SLC47A2: variants seen among roughly 807,000 people sequenced by gnomAD.
SLC47A2 encodes multidrug and toxin extrusion protein 2.
In SLC47A2, 52 loss-of-function variants were observed where a neutral mutation model predicts 67.7. The observed-to-expected ratio is 0.77, with a 90% CI of 0.61 to 0.97. The LOEUF (loss-of-function observed/expected upper bound fraction) is 0.97. Ranked by LOEUF, SLC47A2 falls within the 50% of genes least tolerant of loss-of-function variation. The pLI, the probability that SLC47A2 is intolerant of heterozygous loss-of-function variation, is 0.00. For missense variants in SLC47A2, 676 were observed against 712.3 expected (o/e 0.95, Z 0.58); for synonymous variants, 278 against 292.9 (o/e 0.95, Z 0.52).
intron 13 of SLC47A2, among the ~76,000 whole-genome samples, chr17:19,689,553 T>C (rs1465016018): frequency 6.6e-6 from 1 of 151,880 alleles, no homozygotes; most frequent in Admixed American, 6.6e-5. Context: ...AAAAATTATC[T>C]GGGTGTGGTG....
At chr17:19,682,329 TCA>T (rs376421449) in intron 13 of SLC47A2, among the ~76,000 whole-genome samples, 2,555 of 143,694 alleles carry the variant, frequency 0.018, 23 homozygotes, top group African/African-American at 0.035. Context: ...CGAGACTTGG[TCA>T]CACACACACA....
At chr17:19,716,604 C>T (rs777907651), upstream of SLC47A2, 18 of 1,512,300 alleles carry the variant, frequency 1.2e-5, no homozygotes, top group Non-Finnish European at 1.5e-5. Flanking sequence ...CCTGCACGGC[C>T]AGCTTTGTCC....
At chr17:19,680,778 G>A (rs969530546) in intron 15 of SLC47A2, among the ~76,000 whole-genome samples, 1 of 152,156 alleles carries the variant, frequency 6.6e-6, no homozygotes, top group African/African-American at 2.4e-5. Flanking sequence ...ACTAGTTTGA[G>A]TTCTTTGCGT....
In SLC47A2 at chr17:19,708,709, C is replaced by T; in HGVS notation, c.531+7G>A. 1.2e-6 allele frequency: 2 copies of T among 1,613,962 alleles called. No individual in the cohort carries two copies. Among genetic ancestry groups the T allele is most frequent in the Non-Finnish European group, 1.7e-6 (2 of 1,180,028 alleles). On this transcript the variant is annotated splice_region_variant and intron_variant, in intron 6 of 16. Coordinates refer to ENST00000433844, the MANE Select transcript of SLC47A2 (RefSeq NM_001099646.3). ...GAAGGGCCTCCCCACACACCAAAGA[C>T]CTGTACCTGATTTTGCAAATATTTT...
At chr17:19,695,515 CAAAAAAAAA>C (rs201305334) in intron 13 of SLC47A2, among the ~76,000 whole-genome samples, 5 of 91,406 alleles carry the variant, frequency 5.5e-5, no homozygotes, top group African/African-American at 1.9e-4. Context: ...AAAAAAACAG[CAAAAAAAAA>C]AAAAAGAAAA....
Position 19,680,343 on chromosome 17 carries a change from G to A in SLC47A2, c.1393-304C>T, listed in dbSNP as rs150733863. Among the ~76,000 whole-genome samples the A allele has an allele frequency of 2.6e-4, 40 of 152,262 alleles. No individual in the cohort carries two copies. In the East Asian group the frequency reaches 7.7e-3, roughly 29 times the overall value. On this transcript the variant is annotated intron_variant, in intron 15 of 16. Coordinates refer to ENST00000433844, the MANE Select transcript of SLC47A2 (RefSeq NM_001099646.3). ...AAATACTAAAAAATTAGCTGGGCAT[G>A]GTGGCGCATGTCTGTAGTCCCAGCT...
At chr17:19,712,075 A>G (rs759533058) in intron 5 of SLC47A2, among the ~76,000 whole-genome samples, 1 of 152,138 alleles carries the variant, frequency 6.6e-6, no homozygotes, top group Non-Finnish European at 1.5e-5. Context: ...GTTTGAATAC[A>G]CACACCCGTG....
Position 19,712,625 on chromosome 17 carries a change from G to A in SLC47A2, c.486+78C>T, listed in dbSNP as rs368392029. The A allele has an allele frequency of 2.3e-3, 3,347 of 1,473,032 alleles. 10 individuals are homozygous for A. The highest frequency in any genetic ancestry group is 2.8e-3 in the Non-Finnish European group (3,039 of 1,066,976). The allele number at this position is 1,473,032 out of a possible 1,614,324, so 91.2% of individuals were successfully genotyped here. On this transcript the variant is annotated intron_variant, in intron 5 of 16. Transcript: ENST00000433844. ...AGTCACAGCAGGATAGGGATCTTCC[G>A]CAGCAGATAGAGTGGGAAAGCAAAA...
chr17:19,681,691 G>A lies in SLC47A2; in HGVS notation c.1165-21C>T. On this transcript the variant is annotated intron_variant, in intron 13 of 16. Transcript: ENST00000433844. The stretch of plus-strand genomic sequence containing the variant: ...ACACACTAGGAGGGGAGACAGAAAT[G>A]GGCAAGAGTCAGGATGATGAGACTA... 1.9e-6 allele frequency: 3 copies of A among 1,599,630 alleles called. No homozygotes were observed. The South Asian group carries it at 3.4e-5, about 18-fold the overall frequency.
intron 10 of SLC47A2, chr17:19,704,755 G>A (rs975636186): frequency 2.0e-6 from 3 of 1,464,336 alleles, no homozygotes; most frequent in South Asian, 1.2e-5. Context: ...CCCTGCTGGG[G>A]ACGCTGTCAC....
In SLC47A2 at chr17:19,713,923, G is replaced by A. The variant is rs4924792; in HGVS notation, c.345C>T (p.Gly115=). Residue 115 remains glycine (G), a synonymous_variant, in exon 4 of 17, where the codon GGC becomes GGT. Coordinates refer to ENST00000433844, the MANE Select transcript of SLC47A2 (RefSeq NM_001099646.3). ...GGCAGCAGAGGAGCAGGACCAGCGC[G>A]CCCCGCTGCAGGATCACGCCCACGT... The part of the protein sequence containing the change: ...KKHVGVILQR[G]ALVLLLCCLP... 15 of 1,613,322 alleles carry A rather than the reference G, an allele frequency of 9.3e-6. No individual in the cohort carries two copies. Among genetic ancestry groups the A allele is most frequent in the Non-Finnish European group, 1.2e-5 (14 of 1,179,782 alleles).
Position 19,681,456 on chromosome 17 carries a change from A to G in SLC47A2, c.1303T>C (p.Trp435Arg). The change falls in exon 15 of 17, where the codon TGG (tryptophan) becomes CGG (arginine). Residue 435 changes from tryptophan (W) to arginine (R), a missense_variant. Trp to Arg is a moderately radical substitution (Grantham distance 101). Transcript: ENST00000433844. ...AAGACACAGGCCAGCATGCCCAGCC[A>G]GAGGCCTGGAGGAGACAAGTGATGA... ...FVVRMRIMGLWLGMLACVFLA... is the reference protein window; with the variant it reads ...FVVRMRIMGLRLGMLACVFLA... 1 of 1,614,046 alleles carries G rather than the reference A, an allele frequency of 6.2e-7. No individual in the cohort carries two copies. The highest frequency in any genetic ancestry group is 8.5e-7 in the Non-Finnish European group (1 of 1,179,968).
At chr17:19,699,052 A>G (rs1431718517) in intron 13 of SLC47A2, among the ~76,000 whole-genome samples, 5 of 152,192 alleles carry the variant, frequency 3.3e-5, no homozygotes, top group Admixed American at 2.0e-4. Context: ...CAATTGCCCA[A>G]GGATACCTAG....
At chr17:19,687,009 C>T (rs2085443830) in intron 13 of SLC47A2, among the ~76,000 whole-genome samples, 1 of 152,134 alleles carries the variant, frequency 6.6e-6, no homozygotes, top group African/African-American at 2.4e-5. Context: ...TTCTCCTCAA[C>T]ATATGGATCA....
At position 19,715,320 on chromosome 17, in the gene SLC47A2, C is replaced by T. The variant is rs1158350508; in HGVS notation, c.124-103G>A. On this transcript the variant is annotated intron_variant, in intron 1 of 16. Transcript: ENST00000433844. Reference sequence around the variant, plus strand: ...CTTTGAGGGCCCCGCACCAGTGCCCCGAGAGGTCACCTACGCCTGGGGAAG... The same window carrying T: ...CTTTGAGGGCCCCGCACCAGTGCCCTGAGAGGTCACCTACGCCTGGGGAAG... 6 of 992,000 alleles carry T rather than the reference C, an allele frequency of 6.0e-6. No individual in the cohort carries two copies. In the East Asian group the frequency reaches 7.8e-5, roughly 13 times the overall value. 61.4% of individuals were successfully genotyped at this position (992,000 alleles called of 1,614,324 possible).
At chr17:19,688,728 TA>T (rs992180346) in intron 13 of SLC47A2, among the ~76,000 whole-genome samples, 5 of 152,124 alleles carry the variant, frequency 3.3e-5, no homozygotes, top group Non-Finnish European at 7.4e-5. Flanking sequence ...CTAATTTTTG[TA>T]TTTTTTTTAG....
At chr17:19,687,527 A>C (rs2085454104) in intron 13 of SLC47A2, among the ~76,000 whole-genome samples, 1 of 152,138 alleles carries the variant, frequency 6.6e-6, no homozygotes, top group African/African-American at 2.4e-5. Context: ...TTAAATGGAA[A>C]CAGACCAAAA....
Position 19,678,764 on chromosome 17 carries a change from G to A in SLC47A2, c.1623C>T (p.Arg541=). 6.2e-7 allele frequency: 1 copy of A among 1,614,174 alleles called. No homozygotes were observed. Among genetic ancestry groups the A allele is most frequent in the Non-Finnish European group, 8.5e-7 (1 of 1,180,046 alleles). Residue 541 remains arginine, a synonymous_variant, in exon 17 of 17, where the codon CGC becomes CGT. Transcript: ENST00000433844. ...ACGCCGCCCCCAGAGCAGCCCCACG[G>A]CGGATGACCAGCTGTTTCACTGATA... The part of the protein sequence containing the change: ...SRLSVKQLVI[R]RGAALGAASA...
intron 12 of SLC47A2, 83 bp downstream of exon 12, chr17:19,703,009 G>T: frequency 6.9e-7 from 1 of 1,446,734 alleles, no homozygotes; most frequent in Non-Finnish European, 9.6e-7. Context: ...CCAGCACTGA[G>T]CCAGGAATGT....
Sources: allele counts gnomAD v4.1 joint callset (sites outside exome capture counted in the v4.1 genomes callset), GRCh38; gene constraint gnomAD v4.1.1; transcripts MANE v1.5; gene names NCBI Gene and HGNC (gene_info 2026-07-23, HGNC 2026-07-21).